Variants in THADA observed in about 807,000 individuals in gnomAD.
The protein encoded by THADA is THADA armadillo repeat containing, also known as tRNA (32-2'-O)-methyltransferase regulator THADA.
Under a neutral mutation model 219.8 loss-of-function variants are expected in THADA, and 213 were observed. The ratio of observed to expected loss-of-function variants is 0.97; its 90% CI spans 0.87 to 1.09. The LOEUF (loss-of-function observed/expected upper bound fraction) is 1.09. THADA is among the 50% of genes least tolerant of loss of function. The pLI is 0.00. For synonymous variants in THADA, 1,018 were observed against 828.9 expected (o/e 1.23, Z -3.92); for missense variants, 2,956 against 2,311.3 (o/e 1.28, Z -5.72).
At chr2:43,406,394 A>C (rs1213962169) in intron 28 of THADA, among the ~76,000 whole-genome samples, 2 of 152,258 alleles carry the variant, frequency 1.3e-5, no homozygotes, top group Non-Finnish European at 2.9e-5. Flanking sequence ...TTGCTGATCA[A>C]AATGTAGAGA....
chr2:43,232,765 C>T lies in THADA; in HGVS notation c.5414G>A (p.Trp1805Ter), dbSNP rs1667593693. The T allele has an allele frequency of 1.9e-6, 3 of 1,613,886 alleles. No homozygotes were observed. The highest frequency in any genetic ancestry group is 2.5e-6 in the Non-Finnish European group (3 of 1,179,852). Residue 1805 changes from tryptophan to a stop codon, truncating the protein, a stop_gained, in exon 37 of 38, where the codon TGG (tryptophan) becomes TAG (stop). Transcript: ENST00000405975. LOFTEE classifies it high-confidence loss of function. ...GAGGTCATCACTCTCTCCCAACAGC[C>T]ATCCCAGCAGGATGGGCAGTCCAGG... ...LAPGLPILLG[W>*]LLGESDDLVA...
chr2:43,436,177 G>A (rs1264232703), intron 26 of THADA, among the ~76,000 whole-genome samples: 2 of 152,080 alleles, frequency 1.3e-5, no homozygotes, highest in Admixed American at 6.5e-5. Context: ...TAGACAAAAC[G>A]TCTGGTTGCA....
chr2:43,493,222 C>T (rs1343113347), intron 25 of THADA, among the ~76,000 whole-genome samples: 1 of 152,142 alleles, frequency 6.6e-6, no homozygotes, highest in East Asian at 1.9e-4. Context: ...ATAGGCCAGG[C>T]GCAGTGGCTC....
chr2:43,252,391 GC>G (rs960890644), intron 36 of THADA, among the ~76,000 whole-genome samples: 7 of 152,142 alleles, frequency 4.6e-5, no homozygotes, highest in African/African-American at 1.7e-4. Context: ...GTACTTATGT[GC>G]AAGGCACTAT....
chr2:43,498,671 T>C (rs1688568028), intron 25 of THADA, among the ~76,000 whole-genome samples, 162 bp downstream of exon 25: 1 of 151,916 alleles, frequency 6.6e-6, no homozygotes, highest in Admixed American at 6.6e-5. Flanking sequence ...AATGGAACCA[T>C]GAAATATCAA....
chr2:43,325,403 G>T (rs1382846462), intron 30 of THADA, among the ~76,000 whole-genome samples: 1 of 152,098 alleles, frequency 6.6e-6, no homozygotes, highest in Non-Finnish European at 1.5e-5. Flanking sequence ...TTTGGAAATA[G>T]GAAGATGAAG....
At chr2:43,334,538 G>A (rs1266779849) in intron 30 of THADA, among the ~76,000 whole-genome samples, 1 of 152,108 alleles carries the variant, frequency 6.6e-6, no homozygotes, top group Admixed American at 6.5e-5. Flanking sequence ...GTATTTCTGA[G>A]AGCCTGTTTT....
chr2:43,406,311 A>C (rs1302549175), intron 28 of THADA, among the ~76,000 whole-genome samples: 1 of 152,250 alleles, frequency 6.6e-6, no homozygotes, highest in Admixed American at 6.5e-5. Context: ...AATATGCTTT[A>C]ATTGTTCAGA....
chr2:43,412,763 T>C (rs920538116), intron 28 of THADA, among the ~76,000 whole-genome samples: 2 of 152,204 alleles, frequency 1.3e-5, no homozygotes, highest in African/African-American at 4.8e-5. Context: ...TCCTAAAGAA[T>C]ACATTTAATT....
chr2:43,269,619 C>T (rs980825573), intron 36 of THADA, among the ~76,000 whole-genome samples: 1 of 152,246 alleles, frequency 6.6e-6, no homozygotes, highest in African/African-American at 2.4e-5. Context: ...CTCCACCGTG[C>T]CCACCCACTG....
chr2:43,489,636 C>G (rs926869333), intron 25 of THADA, among the ~76,000 whole-genome samples: 1 of 152,010 alleles, frequency 6.6e-6, no homozygotes, highest in African/African-American at 2.4e-5. Flanking sequence ...GAAGGCTATT[C>G]TTTCTCTACT....
chr2:43,471,512 C>T (rs1367452281), intron 26 of THADA, among the ~76,000 whole-genome samples: 3 of 152,078 alleles, frequency 2.0e-5, no homozygotes, highest in Admixed American at 6.5e-5. Context: ...GCCTAGGTGA[C>T]AAAACAAGAC....
intron 36 of THADA, among the ~76,000 whole-genome samples, chr2:43,248,154 T>TAGAGAGAGAGAGAGAG (rs1669381135): frequency 2.3e-5 from 2 of 85,244 alleles, no homozygotes; most frequent in South Asian, 4.1e-4. Flanking sequence ...TATATATATA[T>TAGAGAGAGAGAGAGAG]ATATATATAT....
intron 30 of THADA, among the ~76,000 whole-genome samples, chr2:43,333,664 A>G (rs933386178): frequency 6.6e-6 from 1 of 152,312 alleles, no homozygotes; most frequent in South Asian, 2.1e-4. Context: ...CTTCCCTTAA[A>G]GTTTTGGCAC....
At chr2:43,396,059 C>G (rs1403439502) in intron 29 of THADA, among the ~76,000 whole-genome samples, 2 of 152,190 alleles carry the variant, frequency 1.3e-5, no homozygotes, top group African/African-American at 4.8e-5. Flanking sequence ...ACCAGCCTGT[C>G]TCAAGTTTAC....
rs181790824 is a variant in THADA, at chr2:43,470,918, T to C, written c.3836+14316A>G. On this transcript the variant is annotated intron_variant, in intron 26 of 37. Coordinates refer to ENST00000405975, the MANE Select transcript of THADA (RefSeq NM_022065.5). The stretch of plus-strand genomic sequence containing the variant: ...TCAGTTGAAGAATATTTGTTTTGAA[T>C]ATAAGGAAACAGAGCTCATCTATGG... Among the ~76,000 whole-genome samples the C allele has an allele frequency of 2.6e-5, 4 of 152,208 alleles. No homozygotes were observed. In the East Asian group the frequency reaches 7.7e-4, roughly 29 times the overall value.
chr2:43,498,844 G>A lies in THADA; in HGVS notation c.3733C>T (p.Pro1245Ser). ...GTGACAGCACTTACTGCCCAGACCG[G>A]TGATGTAAAACCCAGAATTGCAGCC... ...AKAAILGFTS[P>S]VWAVRNSSTL... is the part of the protein sequence containing the mutation. The change falls in exon 25 of 38, where the codon CCG (proline) becomes TCG (serine). Residue 1245 changes from proline (P) to serine (S), a missense_variant. By Grantham distance (74) the Pro-to-Ser change is moderately conservative. Transcript: ENST00000405975. The A allele has an allele frequency of 6.2e-7, 1 of 1,612,994 alleles. No individual in the cohort carries two copies. Among genetic ancestry groups the A allele is most frequent in the Middle Eastern group, 1.7e-4 (1 of 6,054 alleles).
At chr2:43,542,730 G>A (rs1695486608) in intron 20 of THADA, among the ~76,000 whole-genome samples, 1 of 152,116 alleles carries the variant, frequency 6.6e-6, no homozygotes, top group African/African-American at 2.4e-5. Context: ...CCAAACCCAG[G>A]TTCATTATAT....
chr2:43,284,798 G>A (rs1673792155), intron 35 of THADA, among the ~76,000 whole-genome samples: 1 of 152,192 alleles, frequency 6.6e-6, no homozygotes, highest in African/African-American at 2.4e-5. Context: ...CAGCTGCAAG[G>A]GCTGTACCCT....
Sources: allele counts gnomAD v4.1 joint callset (sites outside exome capture counted in the v4.1 genomes callset), GRCh38; gene constraint gnomAD v4.1.1; transcripts MANE v1.5; gene names NCBI Gene and HGNC (gene_info 2026-07-23, HGNC 2026-07-21).